Variants in SLC9C1 observed in about 807,000 individuals in gnomAD.
SLC9C1 encodes the protein sodium/hydrogen exchanger 10.
SLC9C1 carries 97 observed loss-of-function variants against 140.9 expected under a neutral mutation model. That is an observed-to-expected ratio of 0.69 (90% CI 0.58 to 0.82). The LOEUF (loss-of-function observed/expected upper bound fraction) is 0.82, where lower values mean the gene tolerates loss of function less well. Ranked by LOEUF, SLC9C1 falls within the 40% of genes least tolerant of loss-of-function variation. The probability of loss-of-function intolerance (pLI) is 0.00; values close to 1 mark genes in which losing one functional copy is unlikely to be tolerated. For missense variants in SLC9C1, 1,340 were observed against 1,389.3 expected (o/e 0.96, Z 0.56); for synonymous variants, 440 against 442.6 (o/e 0.99, Z 0.07).
chr3:112,237,973 C>G (rs1329345464), intron 12 of SLC9C1, among the ~76,000 whole-genome samples: 2 of 152,098 alleles, frequency 1.3e-5, no homozygotes, highest in Admixed American at 6.6e-5. Context: ...TTGTGGCATT[C>G]TCTGTATTTC....
intron 26 of SLC9C1, among the ~76,000 whole-genome samples, chr3:112,161,658 G>A (rs918212163): frequency 2.6e-5 from 4 of 152,058 alleles, no homozygotes; most frequent in African/African-American, 9.7e-5. Flanking sequence ...GTACCATGCT[G>A]TTTTGGTTAC....
intron 10 of SLC9C1, among the ~76,000 whole-genome samples, chr3:112,252,751 G>A (rs933752282): frequency 4.6e-5 from 7 of 152,162 alleles, no homozygotes; most frequent in Non-Finnish European, 1.0e-4. Context: ...GGTGACCAGG[G>A]ACTGGAGTGA....
chr3:112,182,350 G>C (rs2077454416), intron 20 of SLC9C1, 92 bp from the exon 21 acceptor site: 1 of 1,285,196 alleles, frequency 7.8e-7, no homozygotes, highest in Non-Finnish European at 1.0e-6. Flanking sequence ...TCCTATTCTT[G>C]ATCATTTGAC....
chr3:112,238,410 C>CTTTA (rs1416318598), intron 12 of SLC9C1, among the ~76,000 whole-genome samples: 3 of 152,204 alleles, frequency 2.0e-5, no homozygotes, highest in Non-Finnish European at 4.4e-5. Flanking sequence ...GAACTTCCTC[C>CTTTA]TTTAGCTTGG....
intron 23 of SLC9C1, among the ~76,000 whole-genome samples, chr3:112,174,958 G>C (rs996152700): frequency 3.3e-5 from 5 of 152,020 alleles, no homozygotes; most frequent in African/African-American, 1.2e-4. Context: ...CTTTGCTGGG[G>C]GTCTGGACCA....
At chr3:112,213,554 A>G (rs1281828719) in intron 15 of SLC9C1, among the ~76,000 whole-genome samples, 1 of 152,196 alleles carries the variant, frequency 6.6e-6, no homozygotes, top group Non-Finnish European at 1.5e-5. Context: ...AGAGGTTGCA[A>G]TCCTAGTCTC....
chr3:112,267,412 T>C (rs921079840), intron 7 of SLC9C1, among the ~76,000 whole-genome samples: 2 of 151,422 alleles, frequency 1.3e-5, no homozygotes, highest in Admixed American at 1.3e-4. Flanking sequence ...CCATCTCTAC[T>C]AAAAATATAA....
At chr3:112,259,196 C>G (rs2079698637) in intron 10 of SLC9C1, among the ~76,000 whole-genome samples, 1 of 151,960 alleles carries the variant, frequency 6.6e-6, no homozygotes, top group Non-Finnish European at 1.5e-5. Flanking sequence ...AACGCAGGAA[C>G]AGAAAACCAA....
At chr3:112,198,408 T>G (rs930465571) in intron 20 of SLC9C1, among the ~76,000 whole-genome samples, 8 of 152,008 alleles carry the variant, frequency 5.3e-5, no homozygotes, top group Admixed American at 3.9e-4. Context: ...TCTTTCAATT[T>G]TCTTTCTTTT....
intron 28 of SLC9C1, among the ~76,000 whole-genome samples, chr3:112,150,778 A>T (rs1017718821): frequency 3.6e-4 from 27 of 75,860 alleles, no homozygotes; most frequent in Admixed American, 7.6e-4. Context: ...ACATATATAT[A>T]TATAAATACA....
Position 112,263,107 on chromosome 3 carries a change from C to T in SLC9C1, c.1023-9G>A, listed in dbSNP as rs2079823554. 1.3e-6 allele frequency: 2 copies of T among 1,556,002 alleles called. No homozygotes were observed. The highest frequency in any genetic ancestry group is 1.7e-6 in the Non-Finnish European group (2 of 1,158,364). The stretch of plus-strand genomic sequence containing the variant: ...AAAGAAGGGTCAGAAATCTAAAAGA[C>T]AAAACAATTTTTACAAAGTTATTCT... On this transcript the variant is annotated splice_polypyrimidine_tract_variant and intron_variant, in intron 9 of 28. Transcript: ENST00000305815.
chr3:112,227,471 C>T (rs2078712466), intron 13 of SLC9C1, among the ~76,000 whole-genome samples: 1 of 151,940 alleles, frequency 6.6e-6, no homozygotes, highest in Non-Finnish European at 1.5e-5. Flanking sequence ...ATCACATTAA[C>T]AGAAAGACCA....
chr3:112,292,961 T>C (rs1462232391), intron 1 of SLC9C1, among the ~76,000 whole-genome samples: 1 of 151,606 alleles, frequency 6.6e-6, no homozygotes, highest in African/African-American at 2.4e-5. Flanking sequence ...ATAGGTCCTC[T>C]GCATTAATTT....
rs183039222 is a variant in SLC9C1, at chr3:112,222,520, T to C, written c.1573-1295A>G. Among the ~76,000 whole-genome samples, 44 of 152,206 alleles carry C rather than the reference T, an allele frequency of 2.9e-4. No individual in the cohort carries two copies. The East Asian group carries it at 6.4e-3, about 22-fold the overall frequency. Reference sequence around the variant, plus strand: ...TGAGGCAATAAATCAAAAAGGTACATGGAGTATACACTGCAGAAAACATAG... The same window carrying C: ...TGAGGCAATAAATCAAAAAGGTACACGGAGTATACACTGCAGAAAACATAG... On this transcript the variant is annotated intron_variant, in intron 13 of 28. Coordinates refer to ENST00000305815, the MANE Select transcript of SLC9C1 (RefSeq NM_183061.3).
chr3:112,267,259 C>A (rs898713665), intron 7 of SLC9C1, among the ~76,000 whole-genome samples: 23 of 151,884 alleles, frequency 1.5e-4, no homozygotes, highest in Admixed American at 1.3e-3. Context: ...AGAGCCTGGG[C>A]AACAGAGCAA....
chr3:112,208,190 C>T lies in SLC9C1; in HGVS notation c.1974G>A (p.Glu658=). The T allele has an allele frequency of 6.2e-7, 1 of 1,604,704 alleles. No homozygotes were observed. Among genetic ancestry groups the T allele is most frequent in the Non-Finnish European group, 8.5e-7 (1 of 1,176,318 alleles). The part of the protein sequence containing the change: ...NYCFLTLYIL[E]ALLKIAAMRK... ...AATTTTAGATTACCTTAAGTAGTGCCTCTAGAATATAAAGTGTAAGAAAAC... is the reference window on the plus strand; with the variant it reads ...AATTTTAGATTACCTTAAGTAGTGCTTCTAGAATATAAAGTGTAAGAAAAC... Residue 658 remains glutamate (E), a synonymous_variant, in exon 16 of 29, where the codon GAG becomes GAA. Transcript: ENST00000305815.
rs1461889204 is a variant in SLC9C1, at chr3:112,264,295, G to A, written c.927C>T (p.Phe309=). ...SRIAFLMVFT[F]FGLLIPAHTY... is the part of the protein sequence containing the mutation. ...TATGTGCAGGAATTAGAAGTCCAAA[G>A]AAAGTAAACACCATGAGAAAAGCAA... The change falls in exon 9 of 29, where the codon TTC becomes TTT. Residue 309 remains phenylalanine (F), a synonymous_variant. Coordinates refer to ENST00000305815, the MANE Select transcript of SLC9C1 (RefSeq NM_183061.3). 6.7e-7 allele frequency: 1 copy of A among 1,486,816 alleles called. No individual in the cohort carries two copies. Among genetic ancestry groups the A allele is most frequent in the African/African-American group, 1.5e-5 (1 of 68,800 alleles). The allele number at this position is 1,486,816 out of a possible 1,614,324, so 92.1% of individuals were successfully genotyped here.
At chr3:112,161,516 A>G (rs1233124887) in intron 26 of SLC9C1, among the ~76,000 whole-genome samples, 1 of 152,202 alleles carries the variant, frequency 6.6e-6, no homozygotes, top group African/African-American at 2.4e-5. Flanking sequence ...AGCACCATTT[A>G]TTAAATAGGG....
chr3:112,247,044 A>G lies in SLC9C1; in HGVS notation c.1198-2968T>C, dbSNP rs548939988. 7.9e-5 allele frequency among the ~76,000 whole-genome samples: 12 copies of G among 152,266 alleles called. No homozygotes were observed. The South Asian group carries it at 2.5e-3, about 32-fold the overall frequency. On this transcript the variant is annotated intron_variant, in intron 10 of 28. Coordinates refer to ENST00000305815, the MANE Select transcript of SLC9C1 (RefSeq NM_183061.3). Reference sequence around the variant, plus strand: ...TTTTAAAATGAAAACATCCTGTTAGATTGGGTTTGGAGGATAAATGCAAAT... The same window carrying G: ...TTTTAAAATGAAAACATCCTGTTAGGTTGGGTTTGGAGGATAAATGCAAAT...
Sources: gnomAD v4.1 joint callset for allele counts (sites outside exome capture counted in the v4.1 genomes callset) on GRCh38, gnomAD v4.1.1 for gene constraint, MANE v1.5 for transcripts, NCBI Gene and HGNC (gene_info 2026-07-23, HGNC 2026-07-21) for gene names.